The following LRBA variants were observed in gnomAD, a reference collection of about 807,000 sequenced individuals.
LRBA encodes LPS responsive beige-like anchor protein, also known as lipopolysaccharide-responsive and beige-like anchor protein.
A neutral mutation model predicts 330.0 loss-of-function variants in LRBA; 176 were observed. That is an observed-to-expected ratio of 0.53 (90% CI 0.47 to 0.60). The LOEUF (loss-of-function observed/expected upper bound fraction) is 0.60, where lower values mean the gene tolerates loss of function less well. LRBA is among the 20% of genes least tolerant of loss of function. The probability of loss-of-function intolerance (pLI) is 0.00; values close to 1 mark genes in which losing one functional copy is unlikely to be tolerated. For missense variants in LRBA, 3,259 were observed against 3,444.8 expected, an observed-to-expected ratio of 0.95 and a Z score of 1.35; for synonymous variants, 1,230 against 1,193.0, an observed-to-expected ratio of 1.03 and a Z score of -0.64.
intron 18 of LRBA, among the ~76,000 whole-genome samples, chr4:150,871,800 T>C (rs950212854): frequency 6.6e-6 from 1 of 152,146 alleles, no homozygotes; most frequent in Non-Finnish European, 1.5e-5. Flanking sequence ...CTGGGGATGA[T>C]CATCTAAAGC....
chr4:150,272,434 C>G (rs115562305), intron 56 of LRBA, among the ~76,000 whole-genome samples: 488 of 152,030 alleles, frequency 3.2e-3, no homozygotes, highest in Non-Finnish European at 4.7e-3. Context: ...GATTACAACT[C>G]CTTGCCAGAA....
At chr4:150,597,260 A>T (rs1773603706) in intron 38 of LRBA, 1 of 389,602 alleles carries the variant, frequency 2.6e-6, no homozygotes, top group Non-Finnish European at 4.8e-6. Context: ...ACTTTAATGC[A>T]GATGCTTAGC....
intron 4 of LRBA, among the ~76,000 whole-genome samples, chr4:150,923,050 T>C (rs929925973): frequency 6.6e-6 from 1 of 152,060 alleles, no homozygotes; most frequent in Non-Finnish European, 1.5e-5. Flanking sequence ...CCACAGTAAG[T>C]TGAAAAGAAT....
chr4:150,521,381 A>G (rs999197722), intron 40 of LRBA, among the ~76,000 whole-genome samples: 11 of 152,046 alleles, frequency 7.2e-5, no homozygotes, highest in African/African-American at 2.2e-4. Flanking sequence ...TCTAGGTACT[A>G]TTTTGTCCAT....
chr4:150,989,007 TG>T (rs1323318650), intron 2 of LRBA, among the ~76,000 whole-genome samples: 7 of 151,776 alleles, frequency 4.6e-5, no homozygotes, highest in African/African-American at 7.3e-5. Flanking sequence ...TTTTTGTTGT[TG>T]TTTTTTTGTT....
rs1489585083 is a variant in LRBA, at chr4:150,900,125, G to A, written c.1848C>T (p.Leu616=). 7 of 1,612,472 alleles carry A rather than the reference G, an allele frequency of 4.3e-6. No homozygotes were observed. The highest frequency in any genetic ancestry group is 1.3e-5 in the African/African-American group (1 of 74,870). ...AGTAGTACTTCAGCGTGTGCATGATGAGAAGCACTGTTCCAACTCTCCGAA... is the reference window on the plus strand; with the variant it reads ...AGTAGTACTTCAGCGTGTGCATGATAAGAAGCACTGTTCCAACTCTCCGAA... The part of the protein sequence containing the change: ...NTIRRVGTVL[L]IMHTLKYYYW... Residue 616 remains leucine, a synonymous_variant, in exon 14 of 57, where the codon CTC becomes CTT. Transcript: ENST00000651943.
At chr4:150,705,525 A>G (rs952761008) in intron 36 of LRBA, among the ~76,000 whole-genome samples, 1 of 152,060 alleles carries the variant, frequency 6.6e-6, no homozygotes, top group African/African-American at 2.4e-5. Context: ...AACCTCACAA[A>G]TGACTAAGAT....
intron 2 of LRBA, among the ~76,000 whole-genome samples, chr4:151,001,249 C>A (rs964600268): frequency 2.0e-5 from 3 of 152,134 alleles, no homozygotes; most frequent in African/African-American, 7.2e-5. Flanking sequence ...GGGCATGTGT[C>A]CCCGACCGCC....
At chr4:150,760,142 T>G (rs994849363) in intron 35 of LRBA, among the ~76,000 whole-genome samples, 1 of 152,196 alleles carries the variant, frequency 6.6e-6, no homozygotes, top group Admixed American at 6.5e-5. Context: ...TTTTTCCATA[T>G]ATAAACTTCA....
intron 2 of LRBA, among the ~76,000 whole-genome samples, chr4:150,956,785 C>CA (rs1737591318): frequency 6.7e-6 from 1 of 148,708 alleles, no homozygotes; most frequent in African/African-American, 2.6e-5. Flanking sequence ...TCTCAATAGA[C>CA]AAAAAAAGCA....
intron 40 of LRBA, among the ~76,000 whole-genome samples, chr4:150,504,222 A>C (rs1045380178): frequency 6.6e-6 from 1 of 152,180 alleles, no homozygotes; most frequent in Non-Finnish European, 1.5e-5. Flanking sequence ...CCAACATTCA[A>C]ATTCAGGAAA....
intron 34 of LRBA, among the ~76,000 whole-genome samples, chr4:150,784,886 C>G (rs1738815986): frequency 6.6e-6 from 1 of 152,228 alleles, no homozygotes; most frequent in Non-Finnish European, 1.5e-5. Flanking sequence ...TAGCCAGAAT[C>G]TGATTCTTTA....
intron 2 of LRBA, among the ~76,000 whole-genome samples, chr4:150,996,850 A>G (rs1197862348): frequency 6.6e-6 from 1 of 152,040 alleles, no homozygotes; most frequent in Non-Finnish European, 1.5e-5. Flanking sequence ...ATCATTGACC[A>G]CTCCAATCCT....
At chr4:150,841,714 G>A (rs931080294) in intron 28 of LRBA, among the ~76,000 whole-genome samples, 4 of 151,792 alleles carry the variant, frequency 2.6e-5, no homozygotes, top group Non-Finnish European at 4.4e-5. Flanking sequence ...CTGCAGTGGT[G>A]TGACCTGGGC....
At chr4:150,861,505 T>C (rs1218464505) in intron 22 of LRBA, among the ~76,000 whole-genome samples, 2 of 152,106 alleles carry the variant, frequency 1.3e-5, no homozygotes, top group African/African-American at 4.8e-5. Context: ...AAAAATCCAA[T>C]ATAAAAGATT....
intron 48 of LRBA, among the ~76,000 whole-genome samples, chr4:150,346,535 G>A (rs1736330888): frequency 6.6e-6 from 1 of 151,892 alleles, no homozygotes; most frequent in South Asian, 2.1e-4. Flanking sequence ...GCCAAGGCTG[G>A]CAGATCATGA....
In LRBA at chr4:150,282,520, T is replaced by C; in HGVS notation, c.8246A>G (p.Asn2749Ser). The change falls in exon 55 of 57, where the codon AAC (asparagine) becomes AGC (serine). Residue 2749 changes from asparagine to serine, a missense_variant. By Grantham distance (46) the Asn-to-Ser change is conservative. Coordinates refer to ENST00000651943, the MANE Select transcript of LRBA (RefSeq NM_001364905.1). The stretch of plus-strand genomic sequence containing the variant: ...CACACTGAATGTACAGAAGAGGCCG[T>C]TTTCATAGAATATGACACAATGACC... ...REGHCVIFYENGLFCTFSVNG... is the reference protein window; with the variant it reads ...REGHCVIFYESGLFCTFSVNG... The C allele has an allele frequency of 1.9e-6, 3 of 1,614,134 alleles. No individual in the cohort carries two copies. The highest frequency in any genetic ancestry group is 2.5e-6 in the Non-Finnish European group (3 of 1,180,006).
chr4:150,693,345 C>T (rs1352479119), intron 36 of LRBA, among the ~76,000 whole-genome samples: 2 of 151,884 alleles, frequency 1.3e-5, no homozygotes, highest in Non-Finnish European at 2.9e-5. Context: ...GGGCGGATCA[C>T]GAGGTCAGGA....
At chr4:150,788,843 G>C (rs1432484095) in intron 34 of LRBA, among the ~76,000 whole-genome samples, 1 of 151,974 alleles carries the variant, frequency 6.6e-6, no homozygotes, top group Non-Finnish European at 1.5e-5. Flanking sequence ...GGGAGGCTGA[G>C]GCCAGTGGAT....
Sources: allele counts gnomAD v4.1 joint callset (sites outside exome capture counted in the v4.1 genomes callset), GRCh38; gene constraint gnomAD v4.1.1; transcripts MANE v1.5; gene names NCBI Gene and HGNC (gene_info 2026-07-23, HGNC 2026-07-21).